Variants in ASAP2 observed in about 807,000 individuals in gnomAD.
ASAP2 encodes the protein arf-GAP with SH3 domain, ANK repeat and PH domain-containing protein 2.
A neutral mutation model predicts 131.4 loss-of-function variants in ASAP2; 45 were observed. The observed-to-expected ratio is 0.34, with a 90% confidence interval of 0.27 to 0.44. The LOEUF (loss-of-function observed/expected upper bound fraction) is 0.44. Among genes scored for constraint, ASAP2 ranks in the 20% least tolerant of loss-of-function variants. The pLI is 1.00. For missense variants in ASAP2, 1,011 were observed against 1,297.0 expected (o/e 0.78, Z 3.39); for synonymous variants, 510 against 503.0 (o/e 1.01, Z -0.19).
chr2:9,334,953 G>C, intron 8 of ASAP2, 140 bp downstream of exon 8: 2 of 1,343,674 alleles, frequency 1.5e-6, no homozygotes, highest in Non-Finnish European at 2.1e-6. Flanking sequence ...CCTGTCCTCT[G>C]TCTTGGTGGG....
intron 4 of ASAP2, among the ~76,000 whole-genome samples, chr2:9,320,050 G>C (rs1670055799): frequency 6.6e-6 from 1 of 152,218 alleles, no homozygotes; most frequent in African/African-American, 2.4e-5. Context: ...CTGGGTGGCA[G>C]CACCTTGCTT....
chr2:9,295,738 C>T (rs532016324), intron 2 of ASAP2, among the ~76,000 whole-genome samples: 1 of 152,326 alleles, frequency 6.6e-6, no homozygotes, highest in Non-Finnish European at 1.5e-5. Context: ...CTAGAACTCT[C>T]AGGCTCTTTA....
chr2:9,210,653 C>T (rs1307446285), intron 1 of ASAP2, among the ~76,000 whole-genome samples: 1 of 151,886 alleles, frequency 6.6e-6, no homozygotes, highest in Non-Finnish European at 1.5e-5. Context: ...CTCCCAGGTT[C>T]ATGCCATTCT....
intron 2 of ASAP2, among the ~76,000 whole-genome samples, chr2:9,294,543 G>T (rs1668036827): frequency 6.6e-6 from 1 of 152,210 alleles, no homozygotes; most frequent in Non-Finnish European, 1.5e-5. Flanking sequence ...CAGGTGACAT[G>T]ACTCTCTGAA....
chr2:9,332,196 C>T (rs1427553979), intron 7 of ASAP2, among the ~76,000 whole-genome samples: 1 of 152,204 alleles, frequency 6.6e-6, no homozygotes, highest in East Asian at 1.9e-4. Context: ...GGTAAAAGTT[C>T]TGTGAAGCTT....
chr2:9,259,950 T>C (rs938469474), intron 1 of ASAP2, among the ~76,000 whole-genome samples: 1 of 152,190 alleles, frequency 6.6e-6, no homozygotes, highest in Non-Finnish European at 1.5e-5. Flanking sequence ...TGGGAATGGC[T>C]GTCCAGTGTC....
At chr2:9,282,163 C>T (rs1667168360) in intron 2 of ASAP2, among the ~76,000 whole-genome samples, 1 of 152,084 alleles carries the variant, frequency 6.6e-6, no homozygotes, top group African/African-American at 2.4e-5. Context: ...TTTTTGAGGC[C>T]CCGCACATAA....
In ASAP2 at chr2:9,395,308, A is replaced by T. The variant is rs564821520; in HGVS notation, c.2684+1661A>T. Among the ~76,000 whole-genome samples the T allele has an allele frequency of 1.2e-3, 182 of 152,138 alleles. 3 individuals carry two copies. Among genetic ancestry groups the T allele is most frequent in the Middle Eastern group, 0.01 (3 of 294 alleles). ...GCCAACATGGCAAAACCCCACCTCTACTAAAAATACAAAAAAATTAGCTGG... is the reference window on the plus strand; with the variant it reads ...GCCAACATGGCAAAACCCCACCTCTTCTAAAAATACAAAAAAATTAGCTGG... On this transcript the variant is annotated intron_variant, in intron 24 of 27. Transcript: ENST00000281419.
intron 3 of ASAP2, among the ~76,000 whole-genome samples, chr2:9,304,420 G>A (rs1668690660): frequency 6.6e-6 from 1 of 151,260 alleles, no homozygotes; most frequent in Admixed American, 6.6e-5. Context: ...GTGTGGAATG[G>A]CTCTAGTGGG....
rs1221149096 is a variant in ASAP2, at chr2:9,209,293, G to T, written c.126+2063G>T. Among the ~76,000 whole-genome samples, 9 of 152,146 alleles carry T rather than the reference G, an allele frequency of 5.9e-5. No individual in the cohort carries two copies. The East Asian group carries it at 1.7e-3, about 29-fold the overall frequency. ...GGTTTTATAACTAAATTTGAAAGTT[G>T]TTCACTTTCTGAGGTAAATCAATGT... On this transcript the variant is annotated intron_variant, in intron 1 of 27. Coordinates refer to ENST00000281419, the MANE Select transcript of ASAP2 (RefSeq NM_003887.3).
chr2:9,337,700 T>C (rs1443328485), intron 9 of ASAP2, among the ~76,000 whole-genome samples: 1 of 152,212 alleles, frequency 6.6e-6, no homozygotes, highest in African/African-American at 2.4e-5. Context: ...AGCTTCGTGC[T>C]GCTGTTTCCT....
At chr2:9,248,126 A>G (rs1401484471) in intron 1 of ASAP2, among the ~76,000 whole-genome samples, 1 of 152,190 alleles carries the variant, frequency 6.6e-6, no homozygotes, top group African/African-American at 2.4e-5. Context: ...GCAGCAAGAG[A>G]TGGCAGGTGA....
At chr2:9,320,196 G>C in intron 4 of ASAP2, 92 bp from the exon 5 acceptor site, 2 of 1,040,514 alleles carry the variant, frequency 1.9e-6, no homozygotes, top group Non-Finnish European at 2.9e-6. Context: ...AGAAATTAAT[G>C]CTCCTTTCAG....
chr2:9,209,922 G>C (rs966667727), intron 1 of ASAP2, among the ~76,000 whole-genome samples: 3 of 152,180 alleles, frequency 2.0e-5, no homozygotes, highest in Non-Finnish European at 1.5e-5. Flanking sequence ...TTCCAATGTA[G>C]GTTCTATCTG....
At chr2:9,344,969 G>A (rs529646436) in intron 11 of ASAP2, among the ~76,000 whole-genome samples, 169 bp downstream of exon 11, 1 of 150,952 alleles carries the variant, frequency 6.6e-6, no homozygotes, top group South Asian at 2.1e-4. Context: ...TCTTGATTTG[G>A]TGCACCTGCA....
intron 22 of ASAP2, 22 bp from the exon 23 acceptor site, chr2:9,391,040 G>C (rs776358029): frequency 4.3e-6 from 7 of 1,614,140 alleles, no homozygotes; most frequent in South Asian, 2.2e-5. Context: ...GCATGCGTCT[G>C]TGTGCATGCG....
At chr2:9,341,195 G>A (rs1036003699) in intron 9 of ASAP2, among the ~76,000 whole-genome samples, 1 of 152,128 alleles carries the variant, frequency 6.6e-6, no homozygotes, top group Non-Finnish European at 1.5e-5. Flanking sequence ...TTGGTCATGT[G>A]AAAGGGCCGG....
intron 7 of ASAP2, among the ~76,000 whole-genome samples, chr2:9,328,556 C>T (rs1558335605): frequency 6.6e-6 from 1 of 152,160 alleles, no homozygotes; most frequent in Non-Finnish European, 1.5e-5. Flanking sequence ...TCCTGTGGAG[C>T]CAATGACTGT....
At chr2:9,364,677 G>T (rs1673323259) in intron 15 of ASAP2, among the ~76,000 whole-genome samples, 1 of 152,180 alleles carries the variant, frequency 6.6e-6, no homozygotes, top group Non-Finnish European at 1.5e-5. Context: ...AGAGCATGTG[G>T]AGAGGAAAGC....
Sources: allele counts gnomAD v4.1 joint callset (sites outside exome capture counted in the v4.1 genomes callset), GRCh38; gene constraint gnomAD v4.1.1; transcripts MANE v1.5; gene names NCBI Gene and HGNC (gene_info 2026-07-23, HGNC 2026-07-21).